The following CSMD1 variants were observed in gnomAD, a reference collection of about 807,000 sequenced individuals.
The protein encoded by CSMD1 is CUB and Sushi multiple domains 1.
Under a neutral mutation model 417.5 loss-of-function variants are expected in CSMD1, and 213 were observed. The observed-to-expected ratio is 0.51, with a 90% confidence interval of 0.46 to 0.57. The LOEUF is 0.57. CSMD1 is among the 20% of genes least tolerant of loss of function. The pLI is 0.00. For synonymous variants in CSMD1, 2,862 were observed against 1,736.8 expected, an observed-to-expected ratio of 1.65 and a Z score of -16.11; for missense variants, 6,923 against 4,529.7, an observed-to-expected ratio of 1.53 and a Z score of -15.17.
At position 3,984,256 on chromosome 8, in the gene CSMD1, C is replaced by A. The variant is rs536044487; in HGVS notation, c.818+13647G>T. 2.6e-5 allele frequency among the ~76,000 whole-genome samples: 4 copies of A among 152,348 alleles called. No individual in the cohort carries two copies. The South Asian group carries it at 8.3e-4, about 32-fold the overall frequency. ...CCTGCAAAGCGAGTGGCAAGCTTAA[C>A]TTCAAATGTCACATTGATGTCCCCA... On this transcript the variant is annotated intron_variant, in intron 5 of 69. Transcript: ENST00000635120.
intron 2 of CSMD1, among the ~76,000 whole-genome samples, chr8:4,607,354 G>T (rs1419627167): frequency 6.6e-6 from 1 of 152,114 alleles, no homozygotes; most frequent in Non-Finnish European, 1.5e-5. Flanking sequence ...ACGGGCTATT[G>T]ATTCTGAGAC....
intron 7 of CSMD1, among the ~76,000 whole-genome samples, chr8:3,628,136 A>G (rs1338312096): frequency 3.3e-5 from 5 of 152,182 alleles, no homozygotes; most frequent in Non-Finnish European, 5.9e-5. Flanking sequence ...TACTGTCTTC[A>G]CCTTTGTTGA....
chr8:3,744,676 G>T (rs1276049845), intron 6 of CSMD1, among the ~76,000 whole-genome samples: 1 of 152,316 alleles, frequency 6.6e-6, no homozygotes, highest in South Asian at 2.1e-4. Flanking sequence ...GATGCCTACA[G>T]ACAGGTAGCA....
In CSMD1 at chr8:3,862,442, G is replaced by A. The variant is rs534410538; in HGVS notation, c.819-108400C>T. Among the ~76,000 whole-genome samples the A allele has an allele frequency of 3.9e-5, 6 of 152,250 alleles. No individual in the cohort carries two copies. The East Asian group carries it at 1.2e-3, about 30-fold the overall frequency. ...CTTTCATTACATTCTCCTGGAATAA[G>A]TGTTCCTTCTCGTAATTCAAATGTG... On this transcript the variant is annotated intron_variant, in intron 5 of 69. Transcript: ENST00000635120.
At chr8:3,890,499 G>C (rs561685613) in intron 5 of CSMD1, among the ~76,000 whole-genome samples, 1 of 151,936 alleles carries the variant, frequency 6.6e-6, no homozygotes, top group Admixed American at 6.6e-5. Flanking sequence ...GGAAGGCATT[G>C]AGGCACACTT....
At chr8:3,726,510 G>A (rs540082846) in intron 6 of CSMD1, among the ~76,000 whole-genome samples, 2 of 152,296 alleles carry the variant, frequency 1.3e-5, no homozygotes, top group Admixed American at 1.3e-4. Flanking sequence ...GGCCAACTCT[G>A]AACACCTTTA....
At chr8:3,867,246 A>G (rs1268961438) in intron 5 of CSMD1, among the ~76,000 whole-genome samples, 1 of 152,186 alleles carries the variant, frequency 6.6e-6, no homozygotes, top group Non-Finnish European at 1.5e-5. Flanking sequence ...CTAGCTAGCT[A>G]GTGTAAGAAG....
intron 26 of CSMD1, among the ~76,000 whole-genome samples, chr8:3,278,031 A>G (rs1802435701): frequency 6.6e-6 from 1 of 152,164 alleles, no homozygotes; most frequent in African/African-American, 2.4e-5. Context: ...TGGATAGAGA[A>G]GAAAGGGAGA....
At chr8:3,162,815 T>A (rs1012998482) in intron 37 of CSMD1, among the ~76,000 whole-genome samples, 14 of 152,300 alleles carry the variant, frequency 9.2e-5, no homozygotes, top group Non-Finnish European at 1.6e-4. Context: ...TGTTCTTCAT[T>A]AAACAGAAAC....
At chr8:3,570,822 G>C (rs1799911806) in intron 10 of CSMD1, among the ~76,000 whole-genome samples, 1 of 152,142 alleles carries the variant, frequency 6.6e-6, no homozygotes, top group Non-Finnish European at 1.5e-5. Context: ...ACGACAAGGA[G>C]TTTCACTTTC....
intron 12 of CSMD1, among the ~76,000 whole-genome samples, chr8:3,437,729 T>G (rs1055524028): frequency 2.4e-4 from 36 of 150,924 alleles, no homozygotes; most frequent in African/African-American, 6.8e-4. Context: ...AAAGCCACTA[T>G]AGATGCAGCT....
chr8:3,875,101 G>C (rs1805727796), intron 5 of CSMD1, among the ~76,000 whole-genome samples: 1 of 149,610 alleles, frequency 6.7e-6, no homozygotes, highest in Non-Finnish European at 1.5e-5. Context: ...CCAGATCCTA[G>C]AGGGGCTTCA....
At chr8:4,312,298 T>G (rs1468503826) in intron 3 of CSMD1, among the ~76,000 whole-genome samples, 1 of 151,306 alleles carries the variant, frequency 6.6e-6, no homozygotes, top group Non-Finnish European at 1.5e-5. Flanking sequence ...CATATAGGTA[T>G]TTTAACACAC....
intron 5 of CSMD1, among the ~76,000 whole-genome samples, chr8:3,869,163 T>G (rs1312772375): frequency 1.3e-5 from 2 of 152,106 alleles, no homozygotes; most frequent in African/African-American, 4.8e-5. Context: ...TGCCCTGAAA[T>G]ACACAGATGT....
At chr8:4,428,272 A>G (rs1162291542) in intron 2 of CSMD1, among the ~76,000 whole-genome samples, 3 of 152,244 alleles carry the variant, frequency 2.0e-5, no homozygotes, top group Non-Finnish European at 4.4e-5. Context: ...TACAAGGAAA[A>G]TCAGGACAGC....
intron 3 of CSMD1, among the ~76,000 whole-genome samples, chr8:4,347,052 C>G (rs1800814701): frequency 6.6e-6 from 1 of 152,118 alleles, no homozygotes; most frequent in East Asian, 1.9e-4. Flanking sequence ...ATTATCTAGA[C>G]CAGAGACACC....
At chr8:3,536,195 C>G (rs564653483) in intron 10 of CSMD1, among the ~76,000 whole-genome samples, 3 of 152,306 alleles carry the variant, frequency 2.0e-5, no homozygotes, top group South Asian at 4.1e-4. Context: ...GTATCCAGAG[C>G]ACTGTAGGTT....
At chr8:3,354,801 C>CTT (rs1280121097) in intron 21 of CSMD1, among the ~76,000 whole-genome samples, 2 of 102,654 alleles carry the variant, frequency 1.9e-5, no homozygotes, top group East Asian at 3.7e-4. Context: ...TCACTAAACT[C>CTT]TCTCTCTCTC....
chr8:3,378,150 T>C (rs1246729077), intron 18 of CSMD1, among the ~76,000 whole-genome samples: 1 of 152,190 alleles, frequency 6.6e-6, no homozygotes, highest in African/African-American at 2.4e-5. Flanking sequence ...AAGTTTTATT[T>C]TCTAGGTCAC....
Sources: allele counts gnomAD v4.1 joint callset (sites outside exome capture counted in the v4.1 genomes callset), GRCh38; gene constraint gnomAD v4.1.1; transcripts MANE v1.5; gene names NCBI Gene and HGNC (gene_info 2026-07-23, HGNC 2026-07-21).